The following PDE3A variants were observed in gnomAD, a reference collection of about 807,000 sequenced individuals.
PDE3A encodes the protein phosphodiesterase 3A.
Under a neutral mutation model 98.3 loss-of-function variants are expected in PDE3A, and 43 were observed. The ratio of observed to expected loss-of-function variants is 0.44; its 90% CI spans 0.34 to 0.56. The LOEUF (loss-of-function observed/expected upper bound fraction) is 0.56. Among genes scored for constraint, PDE3A ranks in the 20% least tolerant of loss-of-function variants. The pLI is 0.01. For synonymous variants in PDE3A, 663 were observed against 567.9 expected (o/e 1.17, Z -2.38); for missense variants, 1,427 against 1,440.7 (o/e 0.99, Z 0.15).
chr12:20,384,647 C>T (rs976400318), intron 1 of PDE3A, among the ~76,000 whole-genome samples: 6 of 151,810 alleles, frequency 4.0e-5, no homozygotes, highest in African/African-American at 1.5e-4. Flanking sequence ...GTATTAAACC[C>T]AGCAAGCATT....
chr12:20,429,127 A>G (rs1425162284), intron 1 of PDE3A, among the ~76,000 whole-genome samples: 2 of 152,246 alleles, frequency 1.3e-5, no homozygotes, highest in Non-Finnish European at 1.5e-5. Flanking sequence ...CAGAACTCTC[A>G]AAGTCTCTAT....
chr12:20,510,839 G>A lies in PDE3A; in HGVS notation c.961-45821G>A, dbSNP rs541217573. On this transcript the variant is annotated intron_variant, in intron 1 of 15. Coordinates refer to ENST00000359062, the MANE Select transcript of PDE3A (RefSeq NM_000921.5). ...GCATTCTCTGAGAGTGAAGAGGAAG[G>A]AAGGTCATACATGTTATTTATATGT... Among the ~76,000 whole-genome samples the A allele has an allele frequency of 2.0e-5, 3 of 152,052 alleles. No homozygotes were observed. In the East Asian group the frequency reaches 5.8e-4, roughly 29 times the overall value.
intron 1 of PDE3A, among the ~76,000 whole-genome samples, chr12:20,549,326 G>A (rs1461433177): frequency 4.7e-5 from 7 of 148,836 alleles, no homozygotes; most frequent in Non-Finnish European, 8.9e-5. Flanking sequence ...TGGCCAGAAT[G>A]CTGTAATCGT....
intron 15 of PDE3A, among the ~76,000 whole-genome samples, chr12:20,665,889 A>G (rs1397692859): frequency 6.6e-6 from 1 of 151,628 alleles, no homozygotes; most frequent in Non-Finnish European, 1.5e-5. Context: ...ATATTTTGCT[A>G]CATTCATCAA....
In PDE3A at chr12:20,552,330, G is replaced by A; in HGVS notation, c.961-4330G>A. 2 of 1,613,986 alleles carry A rather than the reference G, an allele frequency of 1.2e-6. No homozygotes were observed. The highest frequency in any genetic ancestry group is 1.1e-5 in the South Asian group (1 of 91,078). ...ACAAGGTTGTGAAATACTGGCCCGA[G>A]AAGGGGAAGTCCGGGTTTCTCGTGT... On this transcript the variant is annotated intron_variant, in intron 1 of 15. Coordinates refer to ENST00000359062, the MANE Select transcript of PDE3A (RefSeq NM_000921.5). This position sits in a 1 kb window ranked among gnomAD's most constrained non-coding sequence, Gnocchi z 5.1.
chr12:20,524,439 A>G (rs1472988776), intron 1 of PDE3A, among the ~76,000 whole-genome samples: 1 of 152,104 alleles, frequency 6.6e-6, no homozygotes, highest in Non-Finnish European at 1.5e-5. Context: ...TTTTGCCAAG[A>G]TCATGGTGCG....
chr12:20,562,219 C>CTTTTTTTTTTTTTTT (rs138632511), intron 2 of PDE3A, among the ~76,000 whole-genome samples: 1 of 114,214 alleles, frequency 8.8e-6, no homozygotes, highest in Non-Finnish European at 1.8e-5. Context: ...AGAAAATATG[C>CTTTTTTTTTTTTTTT]TTTTTTTTTT....
In PDE3A at chr12:20,526,884, C is replaced by CTGTGTG. The variant is rs71039949; in HGVS notation, c.961-29732_961-29727dup. ...TAAGGCCATTAGGAGACATTTTTTT[C>CTGTGTG]TGTGTGTGTGTGTGTGTGTGTGTGT... On this transcript the variant is annotated intron_variant, in intron 1 of 15. Coordinates refer to ENST00000359062, the MANE Select transcript of PDE3A (RefSeq NM_000921.5). 4.5e-3 allele frequency among the ~76,000 whole-genome samples: 619 copies of CTGTGTG among 136,924 alleles called. 2 individuals carry two copies. The highest frequency in any genetic ancestry group is 0.014 in the East Asian group (61 of 4,472). 89.8% of individuals were successfully genotyped at this position (136,924 alleles called of 152,430 possible). A position where few individuals can be genotyped will look rare whatever the true frequency, so the allele number is the denominator to read the frequency against.
intron 2 of PDE3A, among the ~76,000 whole-genome samples, chr12:20,605,392 T>G (rs1049639848): frequency 1.3e-5 from 2 of 152,202 alleles, no homozygotes; most frequent in African/African-American, 2.4e-5. Context: ...GATTAGCAAT[T>G]AATACAATAA....
At chr12:20,671,021 C>A (rs1456917537) in intron 15 of PDE3A, among the ~76,000 whole-genome samples, 1 of 112,758 alleles carries the variant, frequency 8.9e-6, no homozygotes. Flanking sequence ...GGGGATATCA[C>A]CACCGATCCC....
chr12:20,647,107 C>G (rs576750339), intron 12 of PDE3A, among the ~76,000 whole-genome samples, 157 bp downstream of exon 12: 16 of 152,238 alleles, frequency 1.1e-4, no homozygotes, highest in African/African-American at 3.4e-4. Context: ...TGAAAAGAAG[C>G]CATGGATTCT....
At chr12:20,529,025 C>A (rs746290008) in intron 1 of PDE3A, among the ~76,000 whole-genome samples, 1 of 152,068 alleles carries the variant, frequency 6.6e-6, no homozygotes, top group Non-Finnish European at 1.5e-5. Context: ...GATTTTATCT[C>A]TATAACGGGA....
intron 3 of PDE3A, among the ~76,000 whole-genome samples, chr12:20,615,722 T>C (rs1380575066): frequency 1.3e-5 from 2 of 151,760 alleles, no homozygotes; most frequent in Admixed American, 1.3e-4. Flanking sequence ...AGGTTGGTTA[T>C]GTATTTATTT....
In PDE3A at chr12:20,369,198, T is replaced by TGG; in HGVS notation, c.-86_-85insGG. The stretch of plus-strand genomic sequence containing the variant: ...TGGGAAGAGCGTGCGTGCGTGTGTG[T>TGG]GTGTGTGTGTGTGCGCGCGCGCGCG... On this transcript the variant is annotated 5_prime_UTR_variant, in exon 1 of 16. Transcript: ENST00000359062. 3 of 798,296 alleles carry TGG rather than the reference T, an allele frequency of 3.8e-6. No individual in the cohort carries two copies. The highest frequency in any genetic ancestry group is 5.8e-6 in the Non-Finnish European group (3 of 519,136). 49.5% of individuals were successfully genotyped at this position (798,296 alleles called of 1,614,324 possible).
chr12:20,434,170 C>CT (rs58536656), intron 1 of PDE3A, among the ~76,000 whole-genome samples: 16,764 of 147,514 alleles, frequency 0.11, 1,276 homozygotes, highest in East Asian at 0.37. Context: ...TTGAAGGTGA[C>CT]TTTTTTTTTT....
intron 2 of PDE3A, among the ~76,000 whole-genome samples, chr12:20,568,951 T>A (rs937832879): frequency 6.6e-6 from 1 of 152,000 alleles, no homozygotes; most frequent in African/African-American, 2.4e-5. Context: ...AGTACATTGA[T>A]AAATGTGGAT....
intron 1 of PDE3A, among the ~76,000 whole-genome samples, chr12:20,378,902 G>C (rs952248642): frequency 2.6e-5 from 4 of 151,260 alleles, no homozygotes; most frequent in African/African-American, 9.7e-5. Context: ...TTACCTAATA[G>C]AGTCTTCTCC....
intron 1 of PDE3A, among the ~76,000 whole-genome samples, chr12:20,504,766 C>G (rs748717146): frequency 6.6e-6 from 1 of 152,102 alleles, no homozygotes; most frequent in Non-Finnish European, 1.5e-5. Flanking sequence ...CTTCACGTCT[C>G]TCACTATTAA....
chr12:20,440,313 G>A (rs1185884117), intron 1 of PDE3A, among the ~76,000 whole-genome samples: 1 of 152,174 alleles, frequency 6.6e-6, no homozygotes, highest in African/African-American at 2.4e-5. Context: ...TGGCATGGCT[G>A]TGTGATCCTA....
Sources: gnomAD v4.1 joint callset for allele counts (sites outside exome capture counted in the v4.1 genomes callset) on GRCh38, gnomAD v4.1.1 for gene constraint, Gnocchi (gnomAD v3.1) non-coding constraint, MANE v1.5 for transcripts, NCBI Gene and HGNC (gene_info 2026-07-23, HGNC 2026-07-21) for gene names.